SMARCA4: variants seen among roughly 807,000 people sequenced by gnomAD.
SMARCA4 encodes the protein SWI/SNF-related matrix-associated actin-dependent regulator of chromatin subfamily A member 4.
A neutral mutation model predicts 193.9 loss-of-function variants in SMARCA4; 31 were observed. That is an observed-to-expected ratio of 0.16 (90% CI 0.12 to 0.22). The LOEUF (loss-of-function observed/expected upper bound fraction) is 0.22. Ranked by LOEUF, SMARCA4 falls within the 10% of genes least tolerant of loss-of-function variation. The pLI is 1.00. For missense variants in SMARCA4, 1,148 were observed against 2,296.0 expected (o/e 0.50, Z 10.22); for synonymous variants, 942 against 933.1 (o/e 1.01, Z -0.17).
chr19:10,968,997 A>G (rs1487900573), intron 1 of SMARCA4, among the ~76,000 whole-genome samples: 2 of 151,934 alleles, frequency 1.3e-5, no homozygotes, highest in African/African-American at 4.8e-5. Flanking sequence ...CCCTTCCTCG[A>G]CCTTCAAGGT....
chr19:11,027,637 G>A (rs968993950), intron 23 of SMARCA4, 147 bp from the exon 24 acceptor site: 1 of 830,550 alleles, frequency 1.2e-6, no homozygotes, highest in African/African-American at 1.7e-5. Flanking sequence ...GAAGCTTTGG[G>A]TGGGTGACGT....
Position 11,062,002 on chromosome 19 carries a change from A to G in SMARCA4, c.*186A>G. ...TGTTTGTGACTGGCCCTGTCCTGGC[A>G]TCAGTAGCATCTGTAACAGCATTAA... On this transcript the variant is annotated 3_prime_UTR_variant, in exon 35 of 35. Transcript: ENST00000344626. 4.6e-6 allele frequency: 3 copies of G among 647,218 alleles called. No homozygotes were observed. Among genetic ancestry groups the G allele is most frequent in the Non-Finnish European group, 8.4e-6 (3 of 355,594 alleles). The allele number at this position is 647,218 out of a possible 1,614,324, so 40.1% of individuals were successfully genotyped here. A position where few individuals can be genotyped will look rare whatever the true frequency, so the allele number is the denominator to read the frequency against.
At chr19:11,050,941 G>A (rs559705020) in intron 30 of SMARCA4, among the ~76,000 whole-genome samples, 11 of 152,366 alleles carry the variant, frequency 7.2e-5, no homozygotes, top group Admixed American at 2.6e-4. Flanking sequence ...GTGCTGTGCA[G>A]GCACTGGCTG....
chr19:11,038,806 T>C (rs570082477), intron 29 of SMARCA4, among the ~76,000 whole-genome samples: 205 of 152,260 alleles, frequency 1.3e-3, no homozygotes, highest in Non-Finnish European at 2.5e-3. Context: ...CCATTGAAAA[T>C]TAATACCTGG....
At chr19:11,023,422 C>T in intron 19 of SMARCA4, 96 bp from the exon 20 acceptor site, 1 of 809,156 alleles carries the variant, frequency 1.2e-6, no homozygotes, top group Non-Finnish European at 2.1e-6. Context: ...CCAGGGGACC[C>T]CGTCCACCCT....
rs1466108009 is a variant in SMARCA4 at position 11,058,873 on chromosome 19, A to C, written c.4619A>C (p.Asn1540Thr). 6.2e-7 allele frequency: 1 copy of C among 1,613,768 alleles called. No individual in the cohort carries two copies. ...MLLCQNAQTFNLEGSLIYEDS... is the reference protein window; with the variant it reads ...MLLCQNAQTFTLEGSLIYEDS... ...CTGTGCCAGAACGCACAGACCTTCAACCTGGAGGGCTCCCTGGTGAGGGCA... is the reference window on the plus strand; with the variant it reads ...CTGTGCCAGAACGCACAGACCTTCACCCTGGAGGGCTCCCTGGTGAGGGCA... The change falls in exon 32 of 35, where the codon AAC (asparagine) becomes ACC (threonine). Residue 1540 changes from asparagine (N) to threonine (T), a missense_variant. This residue lies in a region of SMARCA4 where 4 missense variants were observed against 24.7 expected (regional missense o/e 0.16). Coordinates refer to ENST00000344626, the MANE Select transcript of SMARCA4 (RefSeq NM_003072.5). The surrounding 1 kb of genome is among the most constrained non-coding windows in gnomAD (Gnocchi z 5.8).
At chr19:11,047,237 A>G (rs138854183) in intron 30 of SMARCA4, among the ~76,000 whole-genome samples, 2 of 152,140 alleles carry the variant, frequency 1.3e-5, no homozygotes, top group East Asian at 3.9e-4. Context: ...CCAAGGCAAG[A>G]GATGTATGGG....
rs1180398948 is a variant in SMARCA4 at position 10,985,365 on chromosome 19, G to T, written c.315G>T (p.Gly105=). Residue 105 remains glycine (G), a synonymous_variant, in exon 3 of 35, where the codon GGG becomes GGT. Coordinates refer to ENST00000344626, the MANE Select transcript of SMARCA4 (RefSeq NM_003072.5). The surrounding 1 kb of genome is among the most constrained non-coding windows in gnomAD (Gnocchi z 4.5). ...GGATGCGGTCAGGGGGCCATGCTGG[G>T]ATGGGGCCCCCGCCCAGCCCCATGG... ...GMGMRSGGHA[G]MGPPPSPMDQ... is the part of the protein sequence containing the mutation. 2 of 1,613,890 alleles carry T rather than the reference G, an allele frequency of 1.2e-6. No homozygotes were observed. Among genetic ancestry groups the T allele is most frequent in the South Asian group, 2.2e-5 (2 of 91,086 alleles).
chr19:11,047,140 G>A (rs974778544), intron 30 of SMARCA4, among the ~76,000 whole-genome samples: 3 of 152,098 alleles, frequency 2.0e-5, no homozygotes, highest in Non-Finnish European at 4.4e-5. Context: ...CTCAAGTGCC[G>A]TCATTCTCTA....
In SMARCA4 at chr19:10,966,832, G is replaced by T. The variant is rs2084259601; in HGVS notation, c.-32+5658G>T. ...GAACCCGGGAGGCCAAGGTTGCAGG[G>T]AGCCGAGATCGTGCCGCTGCACTCC... On this transcript the variant is annotated intron_variant, in intron 1 of 34. Transcript: ENST00000344626. 2.0e-5 allele frequency among the ~76,000 whole-genome samples: 3 copies of T among 150,568 alleles called. No individual in the cohort carries two copies. In the South Asian group the frequency reaches 6.4e-4, roughly 32 times the overall value.
chr19:10,995,617 C>G (rs1384282513), intron 9 of SMARCA4: 2 of 403,690 alleles, frequency 5.0e-6, no homozygotes, highest in East Asian at 1.4e-4. Flanking sequence ...GGGAAGGAGC[C>G]CCAGGCAGTG....
chr19:11,015,482 C>T (rs1300719289), intron 16 of SMARCA4, among the ~76,000 whole-genome samples: 1 of 152,134 alleles, frequency 6.6e-6, no homozygotes, highest in Non-Finnish European at 1.5e-5. Context: ...CTTGATGTGC[C>T]TTAGCGGGGA....
At chr19:10,962,457 C>A (rs1327143404) in intron 1 of SMARCA4, among the ~76,000 whole-genome samples, 1 of 152,062 alleles carries the variant, frequency 6.6e-6, no homozygotes, top group Non-Finnish European at 1.5e-5. Flanking sequence ...GTGAGAGGGA[C>A]ACAGCGGACA....
Position 11,041,226 on chromosome 19 carries a change from C to G in SMARCA4, c.4171-81C>G, listed in dbSNP as rs144539709. ...CGGGGGCCCTCCTCCGTGTCCCAGC[C>G]CGGCCCCTGGGATTGCGTCGCGGCC... On this transcript the variant is annotated intron_variant, in intron 29 of 34. Coordinates refer to ENST00000344626, the MANE Select transcript of SMARCA4 (RefSeq NM_003072.5). The surrounding 1 kb of genome is among the most constrained non-coding windows in gnomAD (Gnocchi z 5.6). 3,000 of 1,471,006 alleles carry G rather than the reference C, an allele frequency of 2.0e-3. 7 individuals carry two copies. The highest frequency in any genetic ancestry group is 2.5e-3 in the Non-Finnish European group (2,761 of 1,087,798). 91.1% of individuals were successfully genotyped at this position (1,471,006 alleles called of 1,614,324 possible).
chr19:10,994,769 G>A (rs2145933963), intron 8 of SMARCA4, 59 bp from the exon 9 acceptor site: 1 of 1,473,430 alleles, frequency 6.8e-7, no homozygotes, highest in Non-Finnish European at 9.5e-7. Flanking sequence ...AAGCCTTGCG[G>A]GGAGATGTGT....
chr19:10,986,333 G>T lies in SMARCA4; in HGVS notation c.500G>T (p.Arg167Leu), dbSNP rs748340475. 2 of 1,613,236 alleles carry T rather than the reference G, an allele frequency of 1.2e-6. No individual in the cohort carries two copies. The highest frequency in any genetic ancestry group is 8.5e-7 in the Non-Finnish European group (1 of 1,179,852). Residue 167 changes from arginine (R) to leucine (L), a missense_variant, in exon 4 of 35, where the codon CGG becomes CTG. Arg to Leu is a moderately radical substitution (Grantham distance 102). Transcript: ENST00000344626. The surrounding 1 kb of genome is among the most constrained non-coding windows in gnomAD (Gnocchi z 6.7). ...CCCCAGGCCTTGGGGCAGCAGAACCGGGGCCCAACCCCATTTAACCAGAAC... is the reference window on the plus strand; with the variant it reads ...CCCCAGGCCTTGGGGCAGCAGAACCTGGGCCCAACCCCATTTAACCAGAAC... ...ADPQALGQQN[R>L]GPTPFNQNQL...
intron 8 of SMARCA4, among the ~76,000 whole-genome samples, chr19:10,992,888 A>G (rs527571388): frequency 1.4e-3 from 211 of 149,906 alleles, no homozygotes; most frequent in African/African-American, 4.7e-3. Flanking sequence ...ACTGCTCCTG[A>G]CCACCAACAT....
At chr19:10,989,773 C>T (rs2086394907) in intron 7 of SMARCA4, among the ~76,000 whole-genome samples, 2 of 150,700 alleles carry the variant, frequency 1.3e-5, no homozygotes, top group Admixed American at 1.3e-4. Flanking sequence ...ATAAACTCTG[C>T]TCACTGCAAC....
In SMARCA4 at chr19:11,007,964, G is replaced by A. The variant is rs368941893; in HGVS notation, c.2064G>A (p.Lys688=). 2.9e-4 allele frequency: 468 copies of A among 1,613,760 alleles called. No individual in the cohort carries two copies. Among genetic ancestry groups the A allele is most frequent in the Non-Finnish European group, 3.9e-4 (455 of 1,179,852 alleles). Residue 688 remains lysine, a synonymous_variant, in exon 14 of 35, where the codon AAG becomes AAA. Transcript: ENST00000344626. ...CCACCCTGCCCGTGGAGGAGAAGAA[G>A]AAGATTCCAGATCCAGACAGCGATG... ...QPPTLPVEEK[K]KIPDPDSDDV... is the part of the protein sequence containing the mutation.
Sources: allele counts gnomAD v4.1 joint callset (sites outside exome capture counted in the v4.1 genomes callset), GRCh38; gene constraint gnomAD v4.1.1; regional missense constraint gnomAD v4.1.1; non-coding constraint Gnocchi (gnomAD v3.1); transcripts MANE v1.5; gene names NCBI Gene and HGNC (gene_info 2026-07-23, HGNC 2026-07-21).